DYNC2I1: variants seen among roughly 807,000 people sequenced by gnomAD.
DYNC2I1 encodes the protein cytoplasmic dynein 2 intermediate chain 1.
DYNC2I1 carries 89 observed loss-of-function variants against 133.4 expected under a neutral mutation model. The ratio of observed to expected loss-of-function variants is 0.67; its 90% confidence interval spans 0.56 to 0.80. DYNC2I1 has a LOEUF of 0.80. DYNC2I1 is among the 30% of genes least tolerant of loss of function. The pLI, the probability that DYNC2I1 is intolerant of heterozygous loss-of-function variation, is 0.00. For missense variants in DYNC2I1, 1,291 were observed against 1,314.5 expected (o/e 0.98, Z 0.28); for synonymous variants, 504 against 484.3 (o/e 1.04, Z -0.54).
upstream of DYNC2I1, among the ~76,000 whole-genome samples, chr7:158,852,575 C>T (rs908474364): frequency 1.3e-5 from 2 of 151,638 alleles, no homozygotes; most frequent in African/African-American, 4.8e-5. Context: ...CCCGTGTCTA[C>T]CAAAAATACA....
In DYNC2I1 at chr7:158,887,150, C is replaced by T. The variant is rs1391242744; in HGVS notation, c.990+75C>T. The T allele has an allele frequency of 2.7e-6, 4 of 1,485,174 alleles. No individual in the cohort carries two copies. The African/African-American group carries it at 5.6e-5, about 21-fold the overall frequency. 92.0% of individuals were successfully genotyped at this position (1,485,174 alleles called of 1,614,324 possible). On this transcript the variant is annotated intron_variant, in intron 7 of 24. Coordinates refer to ENST00000407559, the MANE Select transcript of DYNC2I1 (RefSeq NM_018051.5). ...TAACCATAATCTTACTTTGGGCTTC[C>T]CCTTGAAACCAGAGGCCGAGACAGG...
chr7:158,910,979 T>G (rs1194248833), intron 11 of DYNC2I1, among the ~76,000 whole-genome samples: 8 of 142,568 alleles, frequency 5.6e-5, no homozygotes, highest in African/African-American at 2.1e-4. Flanking sequence ...TTCAGGCCTG[T>G]GGGAGGAGCG....
chr7:158,952,084 G>A lies in DYNC2I1; in HGVS notation c.*57-4499G>A, dbSNP rs536410425. Among the ~76,000 whole-genome samples the A allele has an allele frequency of 1.2e-3, 180 of 152,280 alleles. 1 individual carries two copies. Among genetic ancestry groups the A allele is most frequent in the African/African-American group, 4.1e-3 (172 of 41,554 alleles). On this transcript the variant is annotated intron_variant and NMD_transcript_variant, in intron 4 of 4. Coordinates refer to the DYNC2I1 transcript ENST00000454771. Reference sequence around the variant, plus strand: ...AAGCCATGGTACGTGGCAAGGTCGCGGTGGAAATCCACGTGGGAAGAGGAG... The same window carrying A: ...AAGCCATGGTACGTGGCAAGGTCGCAGTGGAAATCCACGTGGGAAGAGGAG...
At chr7:158,887,846 A>G (rs764702655) in intron 7 of DYNC2I1, among the ~76,000 whole-genome samples, 3 of 152,164 alleles carry the variant, frequency 2.0e-5, no homozygotes, top group African/African-American at 4.8e-5. Flanking sequence ...GTATTTATGC[A>G]CAGGGAGAAT....
At chr7:158,882,633 G>T (rs1481605899) in intron 5 of DYNC2I1, among the ~76,000 whole-genome samples, 1 of 152,134 alleles carries the variant, frequency 6.6e-6, no homozygotes, top group Non-Finnish European at 1.5e-5. Flanking sequence ...AGCACTTTGG[G>T]AGGCCGAGAC....
intron 5 of DYNC2I1, among the ~76,000 whole-genome samples, chr7:158,884,130 C>T (rs529318719): frequency 9.3e-5 from 14 of 150,934 alleles, no homozygotes; most frequent in Admixed American, 4.0e-4. Flanking sequence ...TTGCAAGCTC[C>T]GCCTCCCGGG....
chr7:158,870,653 G>A (rs1034877042), intron 2 of DYNC2I1, among the ~76,000 whole-genome samples: 2 of 152,238 alleles, frequency 1.3e-5, no homozygotes, highest in Non-Finnish European at 2.9e-5. Context: ...GATAATAGGT[G>A]TGAGATACCA....
At chr7:158,844,286 C>T in the DYNC2I1 span, among the ~76,000 whole-genome samples, 4 of 152,094 alleles carry the variant, frequency 2.6e-5, no homozygotes, top group African/African-American at 9.7e-5. Context: ...CTCTTGTGTT[C>T]GTTAACCAAA....
chr7:158,883,303 C>G (rs187446754), intron 5 of DYNC2I1, among the ~76,000 whole-genome samples: 1 of 151,280 alleles, frequency 6.6e-6, no homozygotes, highest in Non-Finnish European at 1.5e-5. Flanking sequence ...CTGCAGCCTC[C>G]GCCTCCTGGG....
At chr7:158,934,068 C>T in intron 21 of DYNC2I1, 61 bp from the exon 22 acceptor site, 1 of 1,170,928 alleles carries the variant, frequency 8.5e-7, no homozygotes, top group East Asian at 2.4e-5. Flanking sequence ...GTGTTAATAC[C>T]ATCATTATTC....
At chr7:158,912,427 G>C (rs1187058422) in intron 12 of DYNC2I1, among the ~76,000 whole-genome samples, 3 of 152,176 alleles carry the variant, frequency 2.0e-5, no homozygotes, top group Non-Finnish European at 4.4e-5. Flanking sequence ...TGAAGCTGAA[G>C]AAGCTGATGG....
At chr7:158,880,060 G>C (rs1228362906) in intron 5 of DYNC2I1, 71 bp downstream of exon 5, 2 of 1,513,122 alleles carry the variant, frequency 1.3e-6, no homozygotes, top group East Asian at 4.5e-5. Context: ...GGCTTACCGG[G>C]CGGTGTCGCC....
At chr7:158,865,675 C>T (rs181781871) in intron 1 of DYNC2I1, among the ~76,000 whole-genome samples, 58 of 152,310 alleles carry the variant, frequency 3.8e-4, no homozygotes, top group African/African-American at 1.4e-3. Context: ...TTGTTCCACT[C>T]CTGGGAGTGC....
At chr7:158,857,538 TTG>T (rs199978753) in intron 1 of DYNC2I1, among the ~76,000 whole-genome samples, 7,066 of 137,638 alleles carry the variant, frequency 0.051, 452 homozygotes, top group African/African-American at 0.094. Flanking sequence ...CCTTAGGTTT[TTG>T]TTTTTTTTTT....
chr7:158,895,037 G>C (rs943753428), intron 8 of DYNC2I1, among the ~76,000 whole-genome samples: 1 of 152,134 alleles, frequency 6.6e-6, no homozygotes, highest in Non-Finnish European at 1.5e-5. Context: ...AGAGTTCTCT[G>C]TGTGTTTTGG....
chr7:158,893,215 A>G (rs559605654), intron 8 of DYNC2I1, among the ~76,000 whole-genome samples: 1 of 151,776 alleles, frequency 6.6e-6, no homozygotes, highest in East Asian at 1.9e-4. Flanking sequence ...CTGCCCTAAA[A>G]CCCCTGTGCT....
chr7:158,877,821 T>A (rs1843509622), intron 4 of DYNC2I1, among the ~76,000 whole-genome samples: 1 of 152,162 alleles, frequency 6.6e-6, no homozygotes, highest in African/African-American at 2.4e-5. Flanking sequence ...TGGGACTAAT[T>A]AGGAGAGAAA....
the DYNC2I1 span, among the ~76,000 whole-genome samples, chr7:158,847,978 T>C: frequency 6.6e-6 from 1 of 152,230 alleles, no homozygotes; most frequent in Non-Finnish European, 1.5e-5. Context: ...ACTACTTTAT[T>C]GGACAGTATC....
chr7:158,900,498 C>G (rs774460911), intron 8 of DYNC2I1, among the ~76,000 whole-genome samples: 1 of 152,050 alleles, frequency 6.6e-6, no homozygotes. Context: ...TTGTCCTTAT[C>G]TGTGATTTTT....
Sources: gnomAD v4.1 joint callset for allele counts (sites outside exome capture counted in the v4.1 genomes callset) on GRCh38, gnomAD v4.1.1 for gene constraint, MANE v1.5 for transcripts, NCBI Gene and HGNC (gene_info 2026-07-23, HGNC 2026-07-21) for gene names.